The following ESRRG variants were observed in gnomAD, a reference collection of about 807,000 sequenced individuals.
The protein encoded by ESRRG is estrogen related receptor gamma, also known as estrogen-related receptor gamma.
Under a neutral mutation model 44.0 loss-of-function variants are expected in ESRRG, and 13 were observed. The ratio of observed to expected loss-of-function variants is 0.30; its 90% confidence interval spans 0.19 to 0.47. The LOEUF (loss-of-function observed/expected upper bound fraction) is 0.47. Ranked by LOEUF, ESRRG falls within the 20% of genes least tolerant of loss-of-function variation. The pLI is 1.00. For missense variants in ESRRG, 395 were observed against 580.6 expected (o/e 0.68, Z 3.29); for synonymous variants, 215 against 214.6 (o/e 1.00, Z -0.02).
chr1:216,829,023 C>T (rs1413292491), intron 2 of ESRRG, among the ~76,000 whole-genome samples: 1 of 152,136 alleles, frequency 6.6e-6, no homozygotes, highest in Non-Finnish European at 1.5e-5. Flanking sequence ...CACTAGGATA[C>T]AAGGACATAT....
At chr1:216,839,514 A>C (rs2095617680) in intron 2 of ESRRG, among the ~76,000 whole-genome samples, 1 of 152,206 alleles carries the variant, frequency 6.6e-6, no homozygotes, top group Non-Finnish European at 1.5e-5. Flanking sequence ...AATGTACTTT[A>C]CCCAAATCCT....
intron 3 of ESRRG, among the ~76,000 whole-genome samples, chr1:216,619,100 G>T (rs1297036860): frequency 6.6e-6 from 1 of 152,160 alleles, no homozygotes; most frequent in East Asian, 1.9e-4. Context: ...TCTTTTCCTT[G>T]TTTAATGCAT....
At chr1:216,645,897 C>T (rs985470522) in intron 3 of ESRRG, among the ~76,000 whole-genome samples, 1 of 144,320 alleles carries the variant, frequency 6.9e-6, no homozygotes, top group Admixed American at 7.0e-5. Flanking sequence ...AAAAAAAATG[C>T]CCACAAAAAT....
chr1:216,727,420 T>G (rs569724811), upstream of ESRRG, among the ~76,000 whole-genome samples: 44 of 152,260 alleles, frequency 2.9e-4, no homozygotes, highest in Non-Finnish European at 5.4e-4. Context: ...CCAGGCTCCC[T>G]TCTACTCCTC....
At chr1:216,821,701 T>G (rs748477042) in intron 2 of ESRRG, among the ~76,000 whole-genome samples, 1 of 80,526 alleles carries the variant, frequency 1.2e-5, no homozygotes, top group Non-Finnish European at 2.7e-5. Flanking sequence ...AATAAATAAA[T>G]AAATAAATAA....
chr1:216,731,893 T>C (rs759990597), intron 2 of ESRRG, among the ~76,000 whole-genome samples: 7 of 152,168 alleles, frequency 4.6e-5, no homozygotes, highest in Admixed American at 1.3e-4. Flanking sequence ...ACCAGTTGAA[T>C]TCGGAAACTA....
chr1:216,887,657 C>T (rs535269242), intron 2 of ESRRG, among the ~76,000 whole-genome samples: 2 of 152,188 alleles, frequency 1.3e-5, no homozygotes, highest in South Asian at 2.1e-4. Context: ...TTCATAAATG[C>T]TTTAGAATTT....
intron 2 of ESRRG, among the ~76,000 whole-genome samples, chr1:216,761,583 G>A (rs911420922): frequency 1.3e-5 from 2 of 152,074 alleles, no homozygotes; most frequent in African/African-American, 2.4e-5. Context: ...GTCTCTGCCA[G>A]TGCCTACTAT....
At chr1:216,625,508 A>G (rs975735642) in intron 3 of ESRRG, among the ~76,000 whole-genome samples, 3 of 150,524 alleles carry the variant, frequency 2.0e-5, no homozygotes, top group Non-Finnish European at 2.9e-5. Context: ...TCCTATTTTC[A>G]CCTGGAAACA....
chr1:216,586,581 CTTT>C (rs752769234), intron 3 of ESRRG, among the ~76,000 whole-genome samples: 2 of 124,096 alleles, frequency 1.6e-5, no homozygotes, highest in East Asian at 2.4e-4. Context: ...AACTTTTGGG[CTTT>C]TTTTTTTTTT....
intron 1 of ESRRG, among the ~76,000 whole-genome samples, chr1:216,960,988 C>G (rs2068929887): frequency 6.6e-6 from 1 of 152,102 alleles, no homozygotes; most frequent in African/African-American, 2.4e-5. Flanking sequence ...TTTGCTCATC[C>G]TTTTGCAAGC....
chr1:217,082,261 G>A (rs2151516345), intron 1 of ESRRG, among the ~76,000 whole-genome samples: 1 of 152,304 alleles, frequency 6.6e-6, no homozygotes, highest in Middle Eastern at 3.4e-3. Flanking sequence ...AGAATGGCCA[G>A]ATCTGTTCAG....
intron 2 of ESRRG, among the ~76,000 whole-genome samples, chr1:216,880,800 C>T (rs1454250406): frequency 2.0e-5 from 3 of 151,952 alleles, no homozygotes; most frequent in Non-Finnish European, 4.4e-5. Flanking sequence ...AATTGGAATT[C>T]TCAAAATATA....
chr1:216,615,017 G>A (rs1216934939), intron 3 of ESRRG, among the ~76,000 whole-genome samples: 3 of 152,110 alleles, frequency 2.0e-5, no homozygotes, highest in Non-Finnish European at 4.4e-5. Context: ...TGGTCATAAG[G>A]AGTAAAATGA....
At chr1:216,857,362 GAAAAAAAA>G (rs769553632) in intron 2 of ESRRG, among the ~76,000 whole-genome samples, 1 of 125,274 alleles carries the variant, frequency 8.0e-6, no homozygotes, top group Non-Finnish European at 1.7e-5. Context: ...CACCCTTTGG[GAAAAAAAA>G]AAAAAAGAAA....
In ESRRG at chr1:216,677,209, C is replaced by T; in HGVS notation, c.339G>A (p.Gln113=). Residue 113 remains glutamine (Q), a synonymous_variant, in exon 2 of 7, where the codon CAG becomes CAA. Coordinates refer to ENST00000408911, the MANE Select transcript of ESRRG (RefSeq NM_001438.4). The part of the protein sequence containing the change: ...DCSSTIVEDP[Q]TKCEYMLNSM... The stretch of plus-strand genomic sequence containing the variant: ...AGTTGAGCATGTATTCACACTTGGT[C>T]TGGGGATCTTCAACAATGGTGCTGG... The T allele has an allele frequency of 6.2e-7, 1 of 1,614,048 alleles. No individual in the cohort carries two copies. The highest frequency in any genetic ancestry group is 2.2e-5 in the East Asian group (1 of 44,874).
intron 2 of ESRRG, among the ~76,000 whole-genome samples, chr1:216,836,313 C>T (rs1371506811): frequency 1.3e-5 from 2 of 152,144 alleles, no homozygotes; most frequent in Non-Finnish European, 2.9e-5. Flanking sequence ...CCACAAGTTT[C>T]AAGAATCTGT....
upstream of ESRRG, among the ~76,000 whole-genome samples, chr1:216,727,543 C>T (rs1165249064): frequency 1.3e-5 from 2 of 152,134 alleles, no homozygotes; most frequent in African/African-American, 2.4e-5. Context: ...ACCTTTCCCA[C>T]TGAGAACACG....
At chr1:217,076,465 T>C (rs2091305561) in intron 1 of ESRRG, among the ~76,000 whole-genome samples, 2 of 152,204 alleles carry the variant, frequency 1.3e-5, no homozygotes, top group Non-Finnish European at 2.9e-5. Flanking sequence ...ACAATCATTT[T>C]CACACACTGA....
Sources: gnomAD v4.1 joint callset for allele counts (sites outside exome capture counted in the v4.1 genomes callset) on GRCh38, gnomAD v4.1.1 for gene constraint, MANE v1.5 for transcripts, NCBI Gene and HGNC (gene_info 2026-07-23, HGNC 2026-07-21) for gene names.